The following CPNE8 variants were observed in gnomAD, a reference collection of about 807,000 sequenced individuals.
CPNE8 encodes copine-8.
A neutral mutation model predicts 81.5 loss-of-function variants in CPNE8; 45 were observed. The ratio of observed to expected loss-of-function variants is 0.55; its 90% CI spans 0.44 to 0.71. The LOEUF is 0.71. CPNE8 is among the 30% of genes least tolerant of loss of function. The probability of loss-of-function intolerance (pLI) is 0.00; values close to 1 mark genes in which losing one functional copy is unlikely to be tolerated. For synonymous variants in CPNE8, 252 were observed against 226.3 expected, an observed-to-expected ratio of 1.11 and a Z score of -1.02; for missense variants, 594 against 672.1, an observed-to-expected ratio of 0.88 and a Z score of 1.28.
At chr12:38,843,462 C>A (rs1943505780) in intron 4 of CPNE8, among the ~76,000 whole-genome samples, 1 of 152,008 alleles carries the variant, frequency 6.6e-6, no homozygotes, top group Non-Finnish European at 1.5e-5. Flanking sequence ...TAGGGAGGTT[C>A]TTTCCACTCC....
chr12:38,758,699 TGC>T (rs755419001), intron 10 of CPNE8, among the ~76,000 whole-genome samples: 13 of 152,146 alleles, frequency 8.5e-5, no homozygotes, highest in Non-Finnish European at 1.9e-4. Flanking sequence ...ACATTAAAAA[TGC>T]TTAGAGAATA....
At chr12:38,867,075 TCTCTAA>T (rs1943924818) in intron 3 of CPNE8, among the ~76,000 whole-genome samples, 1 of 152,070 alleles carries the variant, frequency 6.6e-6, no homozygotes, top group Non-Finnish European at 1.5e-5. Context: ...GCCAGGCTGG[TCTCTAA>T]CTCCTGACCT....
At chr12:38,739,951 T>G (rs2136789846) in intron 10 of CPNE8, among the ~76,000 whole-genome samples, 1 of 152,250 alleles carries the variant, frequency 6.6e-6, no homozygotes, top group Non-Finnish European at 1.5e-5. Flanking sequence ...ATATGTAATA[T>G]CTTATTCTAT....
intron 6 of CPNE8, among the ~76,000 whole-genome samples, chr12:38,809,336 A>T (rs1197171424): frequency 1.3e-5 from 2 of 152,186 alleles, no homozygotes; most frequent in African/African-American, 4.8e-5. Flanking sequence ...TCAAGTCAGC[A>T]ACAAGTAGGT....
chr12:38,666,107 G>A (rs891192089), intron 19 of CPNE8, among the ~76,000 whole-genome samples: 2 of 152,158 alleles, frequency 1.3e-5, no homozygotes, highest in South Asian at 2.1e-4. Context: ...AGAGGAAACT[G>A]AAACTTAGAA....
intron 1 of CPNE8, among the ~76,000 whole-genome samples, chr12:38,880,438 G>T (rs1944135678): frequency 6.6e-6 from 1 of 152,140 alleles, no homozygotes; most frequent in Admixed American, 6.5e-5. Flanking sequence ...AAGGTTAGGT[G>T]TTTTATTATA....
chr12:38,723,095 G>A (rs750764500), intron 13 of CPNE8, among the ~76,000 whole-genome samples: 2 of 152,080 alleles, frequency 1.3e-5, no homozygotes, highest in Admixed American at 6.5e-5. Context: ...TACCCAGTTC[G>A]GGGTAGTTTC....
chr12:38,747,572 T>C (rs1033685814), intron 10 of CPNE8, among the ~76,000 whole-genome samples: 3 of 152,202 alleles, frequency 2.0e-5, no homozygotes, highest in African/African-American at 4.8e-5. Context: ...TGATGGTTGA[T>C]ACATCTTTTC....
intron 6 of CPNE8, among the ~76,000 whole-genome samples, chr12:38,796,993 G>GA (rs1942496818): frequency 6.6e-6 from 1 of 152,184 alleles, no homozygotes; most frequent in Non-Finnish European, 1.5e-5. Flanking sequence ...AAGGCTGGGG[G>GA]ACGGGTGCCC....
At chr12:38,701,514 G>A (rs554111342) in intron 14 of CPNE8, among the ~76,000 whole-genome samples, 49 of 152,070 alleles carry the variant, frequency 3.2e-4, no homozygotes, top group Middle Eastern at 3.4e-3. Flanking sequence ...TTTTGTTTTT[G>A]AGATGGAGTC....
chr12:38,766,668 T>A (rs1941696375), intron 8 of CPNE8, among the ~76,000 whole-genome samples: 1 of 152,164 alleles, frequency 6.6e-6, no homozygotes, highest in Admixed American at 6.5e-5. Flanking sequence ...TTGTATAGTT[T>A]CATATATAAG....
chr12:38,854,818 A>G (rs1458230188), intron 3 of CPNE8, among the ~76,000 whole-genome samples: 1 of 152,156 alleles, frequency 6.6e-6, no homozygotes, highest in Non-Finnish European at 1.5e-5. Context: ...CATCATACTG[A>G]AAGCTTTTCT....
intron 6 of CPNE8, among the ~76,000 whole-genome samples, chr12:38,796,849 T>C (rs1821754488): frequency 6.6e-6 from 1 of 152,102 alleles, no homozygotes; most frequent in South Asian, 2.1e-4. Flanking sequence ...ACCCTAATAC[T>C]GCGCTTTTCC....
At chr12:38,886,667 A>G (rs1414680787) in intron 1 of CPNE8, among the ~76,000 whole-genome samples, 1 of 152,186 alleles carries the variant, frequency 6.6e-6, no homozygotes, top group Non-Finnish European at 1.5e-5. Flanking sequence ...TGCTCCTCCA[A>G]GTTCCTTTTG....
intron 1 of CPNE8, among the ~76,000 whole-genome samples, chr12:38,894,321 T>C (rs1328217022): frequency 1.3e-5 from 2 of 152,208 alleles, no homozygotes; most frequent in East Asian, 3.8e-4. Flanking sequence ...TTAGGTAGTA[T>C]ACTTCAAACT....
At chr12:38,728,570 AAAAC>A (rs1368584781) in intron 11 of CPNE8, among the ~76,000 whole-genome samples, 40 of 152,204 alleles carry the variant, frequency 2.6e-4, no homozygotes, top group East Asian at 1.5e-3. Context: ...AAAACAAAAC[AAAAC>A]AAACAAACAA....
intron 6 of CPNE8, among the ~76,000 whole-genome samples, chr12:38,805,637 T>A (rs1592107162): frequency 2.2e-5 from 2 of 90,068 alleles, no homozygotes; most frequent in Admixed American, 1.3e-4. Context: ...AATGTGCACA[T>A]GTAACCTAAA....
At chr12:38,847,246 A>C (rs1217279824) in intron 4 of CPNE8, among the ~76,000 whole-genome samples, 6 of 152,154 alleles carry the variant, frequency 3.9e-5, no homozygotes, top group Non-Finnish European at 8.8e-5. Context: ...AGGAAAAAAC[A>C]AAGGGGGGAA....
At chr12:38,673,423 T>G (rs1043407230) in intron 18 of CPNE8, among the ~76,000 whole-genome samples, 1 of 152,144 alleles carries the variant, frequency 6.6e-6, no homozygotes, top group African/African-American at 2.4e-5. Context: ...GCTCCTCTGA[T>G]AGGAGAGCAA....
Sources: gnomAD v4.1 joint callset for allele counts (sites outside exome capture counted in the v4.1 genomes callset) on GRCh38, gnomAD v4.1.1 for gene constraint, MANE v1.5 for transcripts, NCBI Gene and HGNC (gene_info 2026-07-23, HGNC 2026-07-21) for gene names.